The following ANXA13 variants were observed in gnomAD, a reference collection of about 807,000 sequenced individuals.
The protein encoded by ANXA13 is annexin A13.
A neutral mutation model predicts 46.6 loss-of-function variants in ANXA13; 36 were observed. The ratio of observed to expected loss-of-function variants is 0.77; its 90% CI spans 0.59 to 1.02. ANXA13 has a LOEUF of 1.02. Ranked by LOEUF, ANXA13 falls within the 50% of genes least tolerant of loss-of-function variation. The pLI, the probability that ANXA13 is intolerant of heterozygous loss-of-function variation, is 0.00. For missense variants in ANXA13, 417 were observed against 396.5 expected (o/e 1.05, Z -0.44); for synonymous variants, 163 against 152.9 (o/e 1.07, Z -0.49).
At chr8:123,718,204 T>G (rs577385892) in intron 1 of ANXA13, among the ~76,000 whole-genome samples, 23 of 152,366 alleles carry the variant, frequency 1.5e-4, no homozygotes, top group African/African-American at 5.3e-4. Flanking sequence ...CAGCATGGAC[T>G]TTGTAAATGC....
Position 123,712,713 on chromosome 8 carries a change from T to C in ANXA13, c.56A>G (p.Asp19Gly). 1 of 1,614,226 alleles carries C rather than the reference T, an allele frequency of 6.2e-7. No homozygotes were observed. Among genetic ancestry groups the C allele is most frequent in the East Asian group, 2.2e-5 (1 of 44,896 alleles). Reference sequence around the variant, plus strand: ...GCAGGCTTTGTTCAGCTTTTTGGCATCTCGATCCACATCAAAACCCTGAGG... The same window carrying C: ...GCAGGCTTTGTTCAGCTTTTTGGCACCTCGATCCACATCAAAACCCTGAGG... ...SSPQGFDVDR[D>G]AKKLNKACKG... The change falls in exon 2 of 11, where the codon GAT becomes GGT. Residue 19 changes from aspartate (D) to glycine (G), a missense_variant. Physicochemically the swap from Asp to Gly is moderately conservative, Grantham distance 94. Coordinates refer to ENST00000419625, the MANE Select transcript of ANXA13 (RefSeq NM_004306.4).
At position 123,693,249 on chromosome 8, in the gene ANXA13, AG is replaced by A; in HGVS notation, c.589del (p.Leu197TrpfsTer24). 6.2e-7 allele frequency: 1 copy of A among 1,614,220 alleles called. No individual in the cohort carries two copies. Among genetic ancestry groups the A allele is most frequent in the Non-Finnish European group, 8.5e-7 (1 of 1,180,034 alleles). On this transcript the variant is annotated frameshift_variant, in exon 8 of 11. Transcript: ENST00000419625. LOFTEE classifies it high-confidence loss of function. ...TAACTGCTTGTAGCTCCTCTTGGCC[AG>A]GACTTCATTGAACGCAAGCTCATCA... ...GTDELAFNEVLAKRSYKQLRA... is the reference protein window; with the variant it reads ...GTDELAFNEVXAKRSYKQLRA...
At chr8:123,722,633 C>G (rs1813906050) in intron 1 of ANXA13, among the ~76,000 whole-genome samples, 2 of 152,218 alleles carry the variant, frequency 1.3e-5, no homozygotes, top group South Asian at 2.1e-4. Context: ...GCACTATTGT[C>G]AAATTCTGCT....
At chr8:123,692,800 G>A (rs1813264975) in intron 8 of ANXA13, among the ~76,000 whole-genome samples, 1 of 152,134 alleles carries the variant, frequency 6.6e-6, no homozygotes, top group African/African-American at 2.4e-5. Flanking sequence ...CTTGCCAGTG[G>A]TAGACCCAGG....
Position 123,714,215 on chromosome 8 carries a change from G to A in ANXA13, c.16-1462C>T, listed in dbSNP as rs1813719726. ...TGGCCTCACTGGGGCTGTCAGTCAT[G>A]AGGCTTGAGCCCCTTTGTCCTGCCC... is the stretch of plus-strand genomic sequence containing the variant. On this transcript the variant is annotated intron_variant, in intron 1 of 10. Transcript: ENST00000419625. Among the ~76,000 whole-genome samples, 3 of 152,304 alleles carry A rather than the reference G, an allele frequency of 2.0e-5. No homozygotes were observed. The South Asian group carries it at 6.2e-4, about 32-fold the overall frequency.
At chr8:123,720,682 G>T (rs1293160279) in intron 1 of ANXA13, among the ~76,000 whole-genome samples, 1 of 151,676 alleles carries the variant, frequency 6.6e-6, no homozygotes, top group East Asian at 1.9e-4. Flanking sequence ...GTGTGTGTGT[G>T]TGTGTGTGTG....
intron 7 of ANXA13, 86 bp downstream of exon 7, chr8:123,693,625 C>T (rs1586315969): frequency 1.6e-6 from 2 of 1,215,454 alleles, no homozygotes; most frequent in Non-Finnish European, 2.4e-6. Context: ...AGTAACTCCT[C>T]TTTGCATGAA....
rs553058646 is a variant in ANXA13 at position 123,701,174 on chromosome 8, G to A, written c.186+1468C>T. 1.1e-4 allele frequency among the ~76,000 whole-genome samples: 17 copies of A among 150,524 alleles called. No homozygotes were observed. The Middle Eastern group carries it at 0.01, about 90-fold the overall frequency. On this transcript the variant is annotated intron_variant, in intron 3 of 10. Coordinates refer to ENST00000419625, the MANE Select transcript of ANXA13 (RefSeq NM_004306.4). Reference sequence around the variant, plus strand: ...CTACTGGAGTTAGGGATGTTGACAGGGATAAAAATTCAGCTTCAGGCCAGG... The same window carrying A: ...CTACTGGAGTTAGGGATGTTGACAGAGATAAAAATTCAGCTTCAGGCCAGG...
At chr8:123,712,890 G>A in intron 1 of ANXA13, 137 bp from the exon 2 acceptor site, 1 of 748,288 alleles carries the variant, frequency 1.3e-6, no homozygotes. Flanking sequence ...ACTGGTACAT[G>A]CGGAAATCAG....
At chr8:123,734,650 C>A (rs1814215598) in intron 1 of ANXA13, among the ~76,000 whole-genome samples, 1 of 151,614 alleles carries the variant, frequency 6.6e-6, no homozygotes, top group Non-Finnish European at 1.5e-5. Context: ...ATTCTACTGG[C>A]TCTGCAATAA....
At chr8:123,698,629 A>G (rs925914214) in intron 3 of ANXA13, 70 bp from the exon 4 acceptor site, 76 of 1,507,086 alleles carry the variant, frequency 5.0e-5, no homozygotes, top group Non-Finnish European at 6.9e-5. Context: ...TGCTTGCACT[A>G]TTGCAAGTGC....
chr8:123,731,956 G>C (rs944357555), intron 1 of ANXA13, among the ~76,000 whole-genome samples: 1 of 152,180 alleles, frequency 6.6e-6, no homozygotes, highest in African/African-American at 2.4e-5. Flanking sequence ...AGAGAACTAT[G>C]GAAGCCTTAA....
At chr8:123,708,914 T>C (rs1437412530) in intron 2 of ANXA13, among the ~76,000 whole-genome samples, 2 of 152,172 alleles carry the variant, frequency 1.3e-5, no homozygotes, top group African/African-American at 2.4e-5. Context: ...TGTGTCTCTG[T>C]CTCTCCTAAG....
At position 123,695,701 on chromosome 8, in the gene ANXA13, C is replaced by G. The variant is rs1257900927; in HGVS notation, c.378G>C (p.Glu126Asp). ...AAAGTCACTTACGCCTTTGGTAGGC[C>G]TCTTTAATGGCGATGATTTCCTAGG... The part of the protein sequence containing the change: ...RTNKEIIAIK[E>D]AYQRLFDRSL... The change falls in exon 5 of 11, where the codon GAG (glutamate) becomes GAC (aspartate). Residue 126 changes from glutamate to aspartate, a missense_variant. Physicochemically the swap from Glu to Asp is conservative, Grantham distance 45 (BLOSUM62 2). Coordinates refer to ENST00000419625, the MANE Select transcript of ANXA13 (RefSeq NM_004306.4). 1 of 1,613,516 alleles carries G rather than the reference C, an allele frequency of 6.2e-7. No homozygotes were observed. The highest frequency in any genetic ancestry group is 1.3e-5 in the African/African-American group (1 of 74,878).
chr8:123,684,904 T>C (rs895704622), intron 9 of ANXA13, among the ~76,000 whole-genome samples, 182 bp from the exon 10 acceptor site: 1 of 152,206 alleles, frequency 6.6e-6, no homozygotes, highest in Non-Finnish European at 1.5e-5. Context: ...TCAGAGCACC[T>C]GGAATCTTCA....
intron 2 of ANXA13, among the ~76,000 whole-genome samples, chr8:123,710,034 C>T (rs1246685736): frequency 2.0e-5 from 3 of 152,176 alleles, no homozygotes; most frequent in Non-Finnish European, 2.9e-5. Flanking sequence ...GCTGAGATTA[C>T]AGGTGTGAGC....
chr8:123,685,485 C>T (rs181459631), intron 9 of ANXA13, among the ~76,000 whole-genome samples: 110 of 151,858 alleles, frequency 7.2e-4, no homozygotes, highest in Admixed American at 5.7e-3. Context: ...ATGGCTAACA[C>T]GTTAGAGGAA....
intron 4 of ANXA13, among the ~76,000 whole-genome samples, chr8:123,696,298 C>T (rs904586808): frequency 6.6e-6 from 1 of 152,094 alleles, no homozygotes; most frequent in Non-Finnish European, 1.5e-5. Context: ...ACAAAATATT[C>T]CATACTACAA....
Position 123,684,635 on chromosome 8 carries a change from A to C in ANXA13, c.806T>G (p.Ile269Ser), listed in dbSNP as rs1813103495. The change falls in exon 10 of 11, where the codon ATT becomes AGT. Residue 269 changes from isoleucine (I) to serine (S), a missense_variant. Ile to Ser is a moderately radical substitution (Grantham distance 142). Coordinates refer to ENST00000419625, the MANE Select transcript of ANXA13 (RefSeq NM_004306.4). ...CTCGGCCCTGGTCACGACTATGCGA[A>C]TCAACGTCTCCTCATCGGTCCCCGC... ...KGAGTDEETL[I>S]RIVVTRAEVD... The C allele has an allele frequency of 1.2e-6, 2 of 1,614,054 alleles. No individual in the cohort carries two copies. The highest frequency in any genetic ancestry group is 1.7e-6 in the Non-Finnish European group (2 of 1,179,938).
Sources: allele counts gnomAD v4.1 joint callset (sites outside exome capture counted in the v4.1 genomes callset), GRCh38; gene constraint gnomAD v4.1.1; transcripts MANE v1.5; gene names NCBI Gene and HGNC (gene_info 2026-07-23, HGNC 2026-07-21).